Variants in DACH2 observed in about 807,000 individuals in gnomAD.
DACH2 encodes dachshund family transcription factor 2.
DACH2 carries 17 observed loss-of-function variants against 35.8 expected under a neutral mutation model. That is an observed-to-expected ratio of 0.48 (90% CI 0.33 to 0.71). DACH2 has a LOEUF of 0.71. Among genes scored for constraint, DACH2 ranks in the 30% least tolerant of loss-of-function variants. The pLI is 0.02. For missense variants in DACH2, 469 were observed against 472.7 expected (o/e 0.99, Z 0.07); for synonymous variants, 195 against 177.3 (o/e 1.10, Z -0.79).
intron 1 of DACH2, among the ~76,000 whole-genome samples, chrX:86,192,881 G>T (rs983997690): frequency 8.9e-6 from 1 of 112,077 alleles, no homozygotes; most frequent in African/African-American, 3.2e-5. Context: ...TCGTTTTCAG[G>T]TTTTTTGTTT....
intron 1 of DACH2, among the ~76,000 whole-genome samples, chrX:86,364,635 A>G (rs1044439970): frequency 8.9e-6 from 1 of 111,903 alleles, no homozygotes. Context: ...CATGCTACGG[A>G]GTATTCAATC....
chrX:86,456,569 A>G (rs2037479018), intron 2 of DACH2, among the ~76,000 whole-genome samples: 2 of 111,618 alleles, frequency 1.8e-5, no homozygotes, highest in Non-Finnish European at 3.8e-5. Context: ...TTAATAATCA[A>G]GTACATTGTT....
intron 1 of DACH2, among the ~76,000 whole-genome samples, chrX:86,339,677 C>A (rs1468491918): frequency 9.0e-6 from 1 of 111,577 alleles, no homozygotes; most frequent in Non-Finnish European, 1.9e-5. Context: ...GCTTCAAAGT[C>A]TATACTCTTA....
At position 86,404,843 on chromosome X, in the gene DACH2, C is replaced by A. The variant is rs371721296; in HGVS notation, c.527+27981C>A. On this transcript the variant is annotated intron_variant, in intron 2 of 11. Coordinates refer to ENST00000373125, the MANE Select transcript of DACH2 (RefSeq NM_053281.3). ...CCTGCGTAGACTTCTGCCTGGATAT[C>A]CAGGCATTTCCTTACATCCTTGAAA... 3.6e-4 allele frequency among the ~76,000 whole-genome samples: 40 copies of A among 112,325 alleles called. No homozygotes were observed. In the East Asian group the frequency reaches 3.7e-3, roughly 10 times the overall value.
chrX:86,180,176 G>GTATATATA (rs72366047), intron 1 of DACH2, among the ~76,000 whole-genome samples: 832 of 42,833 alleles, frequency 0.019, 76 homozygotes, highest in African/African-American at 0.062. Context: ...ATGCTAAACC[G>GTATATATA]TATATATATA....
intron 1 of DACH2, among the ~76,000 whole-genome samples, chrX:86,263,615 G>A (rs773718124): frequency 7.2e-5 from 8 of 111,758 alleles, no homozygotes; most frequent in Non-Finnish European, 1.1e-4. Context: ...CCCTTTTTGT[G>A]ACAGTTCAAG....
chrX:86,456,608 G>A (rs1363163448), intron 2 of DACH2, among the ~76,000 whole-genome samples: 3 of 111,045 alleles, frequency 2.7e-5, no homozygotes, highest in Non-Finnish European at 5.7e-5. Flanking sequence ...TTATTCATTA[G>A]ATCAAAGTAC....
At chrX:86,830,654 T>G (rs1392460997) in intron 11 of DACH2, 1 of 111,893 alleles carries the variant, frequency 8.9e-6, no homozygotes. Flanking sequence ...ATTGCTGAGT[T>G]CATGTACCCT....
intron 2 of DACH2, among the ~76,000 whole-genome samples, chrX:86,464,972 T>C (rs1180173980): frequency 8.9e-6 from 1 of 112,372 alleles, no homozygotes; most frequent in Non-Finnish European, 1.9e-5. Flanking sequence ...TTGCGGTTTC[T>C]CTCTGTAATA....
chrX:86,430,908 T>A (rs1414236656), intron 2 of DACH2, among the ~76,000 whole-genome samples: 1 of 111,937 alleles, frequency 8.9e-6, no homozygotes, highest in Non-Finnish European at 1.9e-5. Context: ...GACGATGACA[T>A]GTTTTTTGTT....
chrX:86,665,291 G>A (rs958222892), intron 4 of DACH2, among the ~76,000 whole-genome samples: 13 of 111,867 alleles, frequency 1.2e-4, no homozygotes, highest in Admixed American at 6.7e-4. Flanking sequence ...TATAGTTATT[G>A]ACATCCTTAT....
At chrX:86,254,807 T>TATATAGAG (rs1380613474) in intron 1 of DACH2, among the ~76,000 whole-genome samples, 152 of 49,628 alleles carry the variant, frequency 3.1e-3, no homozygotes, top group South Asian at 4.1e-3. Flanking sequence ...TATATATATA[T>TATATAGAG]AGAGAGAGAG....
intron 3 of DACH2, among the ~76,000 whole-genome samples, chrX:86,562,033 G>C (rs1250247209): frequency 4.6e-5 from 5 of 108,972 alleles, no homozygotes; most frequent in Non-Finnish European, 7.6e-5. Context: ...ATCTTTTGAA[G>C]GTGTTATAAA....
chrX:86,561,901 TAAAAAAAA>T (rs60538249), intron 3 of DACH2, among the ~76,000 whole-genome samples: 12 of 65,079 alleles, frequency 1.8e-4, no homozygotes, highest in Admixed American at 1.3e-3. Flanking sequence ...AAAGTAGAAT[TAAAAAAAA>T]AAAAAAAAAA....
intron 1 of DACH2, among the ~76,000 whole-genome samples, chrX:86,308,168 T>G (rs751774689): frequency 8.9e-6 from 1 of 112,526 alleles, no homozygotes; most frequent in South Asian, 3.6e-4. Context: ...CCTTGACCCA[T>G]GCCTTGTGAA....
chrX:86,639,637 A>G (rs1010208889), intron 3 of DACH2, among the ~76,000 whole-genome samples: 2 of 111,352 alleles, frequency 1.8e-5, no homozygotes, highest in Non-Finnish European at 3.8e-5. Flanking sequence ...GGCACGTCAC[A>G]ATATAAGACA....
chrX:86,180,176 G>GTATATATATA (rs72366047), intron 1 of DACH2, among the ~76,000 whole-genome samples: 628 of 42,858 alleles, frequency 0.015, 54 homozygotes, highest in African/African-American at 0.041. Context: ...ATGCTAAACC[G>GTATATATATA]TATATATATA....
At chrX:86,607,739 C>T (rs5923570) in intron 3 of DACH2, among the ~76,000 whole-genome samples, 1 of 71,349 alleles carries the variant, frequency 1.4e-5, no homozygotes, top group African/African-American at 5.3e-5. Flanking sequence ...TGCTATCCCT[C>T]CCCCCTCCCC....
chrX:86,220,317 A>G (rs6524598), intron 1 of DACH2, among the ~76,000 whole-genome samples: 19,982 of 111,171 alleles, frequency 0.18, 4,387 homozygotes, highest in African/African-American at 0.62. Flanking sequence ...GGTACAACAG[A>G]TTGCTAGAAT....
Sources: allele counts gnomAD v4.1 joint callset (sites outside exome capture counted in the v4.1 genomes callset), GRCh38; gene constraint gnomAD v4.1.1; transcripts MANE v1.5; gene names NCBI Gene and HGNC (gene_info 2026-07-23, HGNC 2026-07-21).